MPDZ: variants seen among roughly 807,000 people sequenced by gnomAD.
MPDZ encodes the protein multiple PDZ domain crumbs cell polarity complex component, also known as multiple PDZ domain protein.
In MPDZ, 234 loss-of-function variants were observed where a neutral mutation model predicts 239.1. The observed-to-expected ratio is 0.98, with a 90% CI of 0.88 to 1.09. MPDZ has a LOEUF of 1.09. Among genes scored for constraint, MPDZ ranks in the 50% least tolerant of loss-of-function variants. MPDZ has a pLI of 0.00. For missense variants in MPDZ, 3,175 were observed against 2,510.0 expected (o/e 1.26, Z -5.66); for synonymous variants, 1,048 against 881.3 (o/e 1.19, Z -3.35).
In MPDZ at chr9:13,122,265, G is replaced by C. The variant is rs1429900218; in HGVS notation, c.4954-95C>G. ...CAAACACATTATACTTTGATAGACA[G>C]CAATAAGGGTTATAAACTCTGGCTC... On this transcript the variant is annotated intron_variant, in intron 36 of 46. Transcript: ENST00000319217. 43 of 1,076,270 alleles carry C rather than the reference G, an allele frequency of 4.0e-5. No homozygotes were observed. The East Asian group carries it at 9.9e-4, about 25-fold the overall frequency. The allele number at this position is 1,076,270 out of a possible 1,614,324, so 66.7% of individuals were successfully genotyped here. A position where few individuals can be genotyped will look rare whatever the true frequency, so the allele number is the denominator to read the frequency against.
chr9:13,216,383 TAA>T (rs58797462), intron 10 of MPDZ, among the ~76,000 whole-genome samples: 1 of 138,846 alleles, frequency 7.2e-6, no homozygotes. Context: ...TTCTGCTGAT[TAA>T]AAAAAAAAAA....
chr9:13,107,915 C>G (rs960720206), intron 46 of MPDZ, among the ~76,000 whole-genome samples: 2 of 152,080 alleles, frequency 1.3e-5, no homozygotes, highest in African/African-American at 2.4e-5. Context: ...TGTTCCTAGG[C>G]TGAGGAAAAG....
chr9:13,233,488 G>A (rs886907171), intron 3 of MPDZ, among the ~76,000 whole-genome samples: 4 of 152,108 alleles, frequency 2.6e-5, no homozygotes, highest in Non-Finnish European at 4.4e-5. Context: ...TCAAAATAGT[G>A]ATTCCTAAAG....
chr9:13,124,347 C>CT (rs1362018629), intron 35 of MPDZ, among the ~76,000 whole-genome samples: 1 of 152,142 alleles, frequency 6.6e-6, no homozygotes, highest in Non-Finnish European at 1.5e-5. Context: ...AGATGTATTA[C>CT]TTTAAGACTT....
At chr9:13,165,761 C>G (rs1214830640) in intron 22 of MPDZ, among the ~76,000 whole-genome samples, 1 of 152,158 alleles carries the variant, frequency 6.6e-6, no homozygotes, top group Non-Finnish European at 1.5e-5. Flanking sequence ...GCACAAAACC[C>G]TGGCTATTAT....
chr9:13,232,851 T>G (rs1255320059), intron 3 of MPDZ, among the ~76,000 whole-genome samples: 1 of 62,346 alleles, frequency 1.6e-5, no homozygotes, highest in Non-Finnish European at 3.5e-5. Flanking sequence ...GAAAAATCAA[T>G]AGAAAAATGG....
At chr9:13,219,420 C>A in intron 8 of MPDZ, 139 bp downstream of exon 8, 1 of 731,350 alleles carries the variant, frequency 1.4e-6, no homozygotes, top group Non-Finnish European at 2.2e-6. Context: ...AGTGCTAAAG[C>A]ATCCCTACAT....
intron 23 of MPDZ, among the ~76,000 whole-genome samples, chr9:13,159,359 T>A (rs1950196849): frequency 6.6e-6 from 1 of 152,130 alleles, no homozygotes; most frequent in Non-Finnish European, 1.5e-5. Flanking sequence ...ACGCCTCGAA[T>A]GAGGGTAGGG....
At chr9:13,182,083 T>C (rs1475245740) in intron 19 of MPDZ, among the ~76,000 whole-genome samples, 1 of 152,144 alleles carries the variant, frequency 6.6e-6, no homozygotes, top group African/African-American at 2.4e-5. Context: ...TTGAAAATGT[T>C]CTGGCCAAAA....
intron 23 of MPDZ, among the ~76,000 whole-genome samples, chr9:13,161,213 C>A (rs954107991): frequency 2.6e-5 from 4 of 151,892 alleles, no homozygotes; most frequent in Non-Finnish European, 4.4e-5. Flanking sequence ...GAAGCAAGAT[C>A]ACAATGAATG....
Position 13,188,109 on chromosome 9 carries a change from TTGTTAGTTAATGCTA to T in MPDZ, c.2364+660_2364+674del, listed in dbSNP as rs1466208938. 3.3e-5 allele frequency among the ~76,000 whole-genome samples: 5 copies of T among 152,340 alleles called. No homozygotes were observed. In the East Asian group the frequency reaches 9.6e-4, roughly 29 times the overall value. ...TATCCCACTGTGATTAAAGATTTTA[TTGTTAGTTAATGCTA>T]TTAATTTTTTTAACACCCCATTACA... is the stretch of plus-strand genomic sequence containing the variant. On this transcript the variant is annotated intron_variant, in intron 17 of 46. Coordinates refer to ENST00000319217, the MANE Select transcript of MPDZ (RefSeq NM_001378778.1).
intron 1 of MPDZ, chr9:13,274,367 G>A (rs1414643721): frequency 2.6e-5 from 4 of 151,316 alleles, no homozygotes; most frequent in African/African-American, 9.7e-5. Context: ...GGATCTGGAG[G>A]CAGAGTGGTT....
rs569437875 is a variant in MPDZ at position 13,243,773 on chromosome 9, G to A, written c.183+3862C>T. On this transcript the variant is annotated intron_variant, in intron 3 of 46. Coordinates refer to ENST00000319217, the MANE Select transcript of MPDZ (RefSeq NM_001378778.1). ...TTAATTTTGTGTGCATACACATTACGCATCTAGATGATATATGTGTAAGCC... is the reference window on the plus strand; with the variant it reads ...TTAATTTTGTGTGCATACACATTACACATCTAGATGATATATGTGTAAGCC... 1.6e-4 allele frequency among the ~76,000 whole-genome samples: 24 copies of A among 152,198 alleles called. No homozygotes were observed. The East Asian group carries it at 2.3e-3, about 15-fold the overall frequency.
chr9:13,110,100 T>A, intron 44 of MPDZ, 36 bp from the exon 45 acceptor site: 1 of 1,500,852 alleles, frequency 6.7e-7, no homozygotes, highest in Non-Finnish European at 9.1e-7. Context: ...AAAAAACACA[T>A]GTTCCTGTGG....
At chr9:13,242,757 T>C (rs1588066370) in intron 3 of MPDZ, among the ~76,000 whole-genome samples, 1 of 152,162 alleles carries the variant, frequency 6.6e-6, no homozygotes, top group East Asian at 1.9e-4. Flanking sequence ...TAGGTCTGCA[T>C]GGGGCTCCAT....
At chr9:13,145,916 TATAA>T (rs1948369415) in intron 26 of MPDZ, among the ~76,000 whole-genome samples, 2 of 151,936 alleles carry the variant, frequency 1.3e-5, no homozygotes, top group African/African-American at 4.8e-5. Context: ...AATTGTAAAT[TATAA>T]ATAAAACAAA....
chr9:13,203,562 C>T (rs180846205), intron 12 of MPDZ, among the ~76,000 whole-genome samples: 5 of 152,188 alleles, frequency 3.3e-5, no homozygotes, highest in East Asian at 3.9e-4. Context: ...CAGGCTTGCA[C>T]GATGTGTAAA....
rs1340031841 is a variant in MPDZ at position 13,188,880 on chromosome 9, A to T, written c.2268T>A (p.Asp756Glu). The T allele has an allele frequency of 6.2e-7, 1 of 1,613,590 alleles. No homozygotes were observed. The highest frequency in any genetic ancestry group is 1.1e-5 in the South Asian group (1 of 91,066). Residue 756 changes from aspartate (D) to glutamate (E), a missense_variant, in exon 17 of 47, where the codon GAT (aspartate) becomes GAA (glutamate). Physicochemically the swap from Asp to Glu is conservative, Grantham distance 45. Coordinates refer to ENST00000319217, the MANE Select transcript of MPDZ (RefSeq NM_001378778.1). The part of the protein sequence containing the change: ...LPGDRLMFVN[D>E]VNLENSSLEE... The stretch of plus-strand genomic sequence containing the variant: ...CAAGACTGCTGTTTTCCAAGTTAAC[A>T]TCGTTTACAAACATGAGTCGGTCAC...
chr9:13,175,620 T>C (rs1039329719), intron 21 of MPDZ, 132 bp downstream of exon 21: 5 of 958,536 alleles, frequency 5.2e-6, no homozygotes, highest in Non-Finnish European at 7.7e-6. Flanking sequence ...GACATAGAAA[T>C]AAAAACTACA....
Sources: gnomAD v4.1 joint callset for allele counts (sites outside exome capture counted in the v4.1 genomes callset) on GRCh38, gnomAD v4.1.1 for gene constraint, MANE v1.5 for transcripts, NCBI Gene and HGNC (gene_info 2026-07-23, HGNC 2026-07-21) for gene names.